Variants in PROSER2 observed in about 807,000 individuals in gnomAD.
The protein encoded by PROSER2 is proline and serine rich 2.
A neutral mutation model predicts 14.6 loss-of-function variants in PROSER2; 18 were observed. The observed-to-expected ratio is 1.23, with a 90% CI of 0.85 to 1.83. PROSER2 has a LOEUF of 1.83. Ranked by LOEUF, PROSER2 falls within the 40% of genes most tolerant of loss-of-function variation. The pLI is 0.00. For synonymous variants in PROSER2, 367 were observed against 286.4 expected (o/e 1.28, Z -2.84); for missense variants, 823 against 629.8 (o/e 1.31, Z -3.28).
At chr10:11,868,258 A>C (rs1458585925) in intron 3 of PROSER2, among the ~76,000 whole-genome samples, 2 of 152,166 alleles carry the variant, frequency 1.3e-5, no homozygotes, top group Non-Finnish European at 2.9e-5. Context: ...TCTGTTCTCT[A>C]ACATATTTTC....
In PROSER2 at chr10:11,856,203, A is replaced by G. The variant is rs1350398469; in HGVS notation, c.138+3988A>G. ...CCCGAGAAGGGCTTGAGATGTCCAT[A>G]TGTGACAGCTCTCCTCTCCATGGCT... On this transcript the variant is annotated intron_variant, in intron 2 of 3. Coordinates refer to ENST00000277570, the MANE Select transcript of PROSER2 (RefSeq NM_153256.4). This position sits in a 1 kb window ranked among gnomAD's most constrained non-coding sequence, Gnocchi z 5.3. Among the ~76,000 whole-genome samples the G allele has an allele frequency of 6.6e-6, 1 of 152,136 alleles. No individual in the cohort carries two copies. Among genetic ancestry groups the G allele is most frequent in the East Asian group, 1.9e-4 (1 of 5,194 alleles).
chr10:11,850,903 G>A (rs1834006672), intron 1 of PROSER2: 1 of 152,246 alleles, frequency 6.6e-6, no homozygotes, highest in Non-Finnish European at 1.5e-5. Flanking sequence ...GCCGTTCAGG[G>A]GCTGGGCTGG....
In PROSER2 at chr10:11,869,162, T is replaced by C. The variant is rs1275500205; in HGVS notation, c.392-328T>C. Among the ~76,000 whole-genome samples the C allele has an allele frequency of 6.6e-6, 1 of 152,196 alleles. No individual in the cohort carries two copies. The highest frequency in any genetic ancestry group is 2.4e-5 in the African/African-American group (1 of 41,438). On this transcript the variant is annotated intron_variant, in intron 3 of 3. Coordinates refer to ENST00000277570, the MANE Select transcript of PROSER2 (RefSeq NM_153256.4). The surrounding 1 kb of genome is among the most constrained non-coding windows in gnomAD (Gnocchi z 4.4). ...TCAATTTCCCCTTTGTAAACTCCCCTGATGAGTTGGTCACTACTTGCGTCC... is the reference window on the plus strand; with the variant it reads ...TCAATTTCCCCTTTGTAAACTCCCCCGATGAGTTGGTCACTACTTGCGTCC...
intron 1 of PROSER2, chr10:11,831,565 C>T (rs1463684764): frequency 3.9e-5 from 6 of 152,274 alleles, no homozygotes; most frequent in South Asian, 4.1e-4. Flanking sequence ...TCCAAAACCT[C>T]GGAGATTGAT....
At position 11,869,854 on chromosome 10, in the gene PROSER2, C is replaced by A; in HGVS notation, c.756C>A (p.Arg252=). Residue 252 remains arginine, a synonymous_variant, in exon 4 of 4, where the codon CGC becomes CGA. Transcript: ENST00000277570. This position sits in a 1 kb window ranked among gnomAD's most constrained non-coding sequence, Gnocchi z 4.4. ...ACCCGGCGCAGCCCAAGGCACCCCG[C>A]TTCCCCAGCAACATCATCGTCACCA... is the stretch of plus-strand genomic sequence containing the variant. ...PSHPAQPKAP[R]FPSNIIVTNG... is the part of the protein sequence containing the mutation. 6.3e-7 allele frequency: 1 copy of A among 1,591,470 alleles called. No individual in the cohort carries two copies. Among genetic ancestry groups the A allele is most frequent in the South Asian group, 1.1e-5 (1 of 87,764 alleles).
chr10:11,847,159 ATAT>A (rs1564306408), intron 1 of PROSER2, among the ~76,000 whole-genome samples: 9,810 of 145,882 alleles, frequency 0.067, 414 homozygotes, highest in East Asian at 0.1. Context: ...AAATAAATAT[ATAT>A]ATATATATAT....
Position 11,870,317 on chromosome 10 carries a change from A to G in PROSER2, c.1219A>G (p.Ile407Val). ...AGACTCCCTGCCCCGGCCCCAGGGCATCACCGTGCAGTTCGCGGGCCGCGG... is the reference window on the plus strand; with the variant it reads ...AGACTCCCTGCCCCGGCCCCAGGGCGTCACCGTGCAGTTCGCGGGCCGCGG... ...RADSLPRPQG[I>V]TVQFAGRGSS... The change falls in exon 4 of 4, where the codon ATC (isoleucine) becomes GTC (valine). Residue 407 changes from isoleucine (I) to valine (V), a missense_variant. Ile to Val is a conservative substitution (Grantham distance 29). Coordinates refer to ENST00000277570, the MANE Select transcript of PROSER2 (RefSeq NM_153256.4). The G allele has an allele frequency of 3.3e-6, 5 of 1,497,936 alleles. No homozygotes were observed. The highest frequency in any genetic ancestry group is 4.4e-6 in the Non-Finnish European group (5 of 1,128,592). The allele number at this position is 1,497,936 out of a possible 1,614,324, so 92.8% of individuals were successfully genotyped here.
chr10:11,852,158 C>T lies in PROSER2; in HGVS notation c.81C>T (p.Ser27=). 1 of 1,613,482 alleles carries T rather than the reference C, an allele frequency of 6.2e-7. No homozygotes were observed. The highest frequency in any genetic ancestry group is 1.3e-5 in the African/African-American group (1 of 75,046). The part of the protein sequence containing the change: ...TSPSCRLRAF[S]RGGSLESRSS... ...CCAGCTGCAGGCTCCGAGCCTTCAG[C>T]AGAGGCGGCAGCCTGGAGAGTCGAA... The change falls in exon 2 of 4, where the codon AGC becomes AGT. Residue 27 remains serine, a synonymous_variant. Transcript: ENST00000277570.
chr10:11,833,502 C>T (rs1410300247), intron 1 of PROSER2, among the ~76,000 whole-genome samples: 4 of 151,794 alleles, frequency 2.6e-5, no homozygotes, highest in Non-Finnish European at 5.9e-5. Context: ...ACCAGCCTGG[C>T]CAACGTGGTG....
rs1046082798 is a variant in PROSER2, at chr10:11,830,372, A to G, written c.-82+6902A>G. On this transcript the variant is annotated intron_variant, in intron 1 of 3. Coordinates refer to ENST00000277570, the MANE Select transcript of PROSER2 (RefSeq NM_153256.4). The surrounding 1 kb of genome is among the most constrained non-coding windows in gnomAD (Gnocchi z 4.5). ...AAAAGACATGATTGCATTCATTTTT[A>G]TGGCTGAGTAGTCGTCCGTGGTGTT... Among the ~76,000 whole-genome samples, 1 of 152,150 alleles carries G rather than the reference A, an allele frequency of 6.6e-6. No individual in the cohort carries two copies. Among genetic ancestry groups the G allele is most frequent in the South Asian group, 2.1e-4 (1 of 4,820 alleles).
intron 1 of PROSER2, among the ~76,000 whole-genome samples, chr10:11,835,349 A>G (rs1055570393): frequency 1.3e-5 from 2 of 152,106 alleles, no homozygotes; most frequent in African/African-American, 4.8e-5. Flanking sequence ...GTGAACGTAG[A>G]GAAGGAACCA....
chr10:11,847,564 C>G (rs1467851970), intron 1 of PROSER2, among the ~76,000 whole-genome samples: 1 of 152,166 alleles, frequency 6.6e-6, no homozygotes, highest in Admixed American at 6.6e-5. Flanking sequence ...ATTACAGGTG[C>G]CTGCCACCAC....
rs369244388 is a variant in PROSER2, at chr10:11,843,685, C to CAAAA, written c.-81-8298_-81-8295dup. ...TGGACGACAGAGCGAGACTCTGTCT[C>CAAAA]AAAAAAAAAAAAAAAAATTAGCCCA... On this transcript the variant is annotated intron_variant, in intron 1 of 3. Transcript: ENST00000277570. Among the ~76,000 whole-genome samples the CAAAA allele has an allele frequency of 2.5e-3, 288 of 113,230 alleles. 2 individuals are homozygous for CAAAA. Among genetic ancestry groups the CAAAA allele is most frequent in the African/African-American group, 9.0e-3 (279 of 31,108 alleles). The allele number at this position is 113,230 out of a possible 152,430, so 74.3% of individuals were successfully genotyped here.
intron 1 of PROSER2, among the ~76,000 whole-genome samples, chr10:11,833,898 G>C (rs533002520): frequency 3.8e-4 from 58 of 151,390 alleles, no homozygotes; most frequent in African/African-American, 1.3e-3. Flanking sequence ...GACCATGTTC[G>C]GTAGAGTTTT....
In PROSER2 at chr10:11,870,274, C is replaced by A. The variant is rs1367348412; in HGVS notation, c.1176C>A (p.Ala392=). 7 of 1,491,472 alleles carry A rather than the reference C, an allele frequency of 4.7e-6. No homozygotes were observed. The South Asian group carries it at 6.3e-5, about 13-fold the overall frequency. The allele number at this position is 1,491,472 out of a possible 1,614,324, so 92.4% of individuals were successfully genotyped here. ...SFPGPRQPNG[A]QDWRRADSLP... is the part of the protein sequence containing the mutation. ...CCGGGCCCCGGCAGCCCAACGGCGCCCAGGACTGGCGCCGCGCAGACTCCC... is the reference window on the plus strand; with the variant it reads ...CCGGGCCCCGGCAGCCCAACGGCGCACAGGACTGGCGCCGCGCAGACTCCC... The change falls in exon 4 of 4, where the codon GCC becomes GCA. Residue 392 remains alanine, a synonymous_variant. Coordinates refer to ENST00000277570, the MANE Select transcript of PROSER2 (RefSeq NM_153256.4).
At position 11,869,736 on chromosome 10, in the gene PROSER2, C is replaced by A; in HGVS notation, c.638C>A (p.Pro213His). ...ERMAGNEALS[P>H]TSPFREGRPG... ...ATGGCGGGGAACGAAGCCCTCTCGC[C>A]CACCTCCCCGTTCAGGGAGGGCCGG... is the stretch of plus-strand genomic sequence containing the variant. The change falls in exon 4 of 4, where the codon CCC (proline) becomes CAC (histidine). Residue 213 changes from proline to histidine, a missense_variant. Coordinates refer to ENST00000277570, the MANE Select transcript of PROSER2 (RefSeq NM_153256.4). This position sits in a 1 kb window ranked among gnomAD's most constrained non-coding sequence, Gnocchi z 4.4. 6.3e-7 allele frequency: 1 copy of A among 1,588,154 alleles called. No individual in the cohort carries two copies.
Position 11,856,712 on chromosome 10 carries a change from C to G in PROSER2, c.138+4497C>G, listed in dbSNP as rs1263442123. ...CAGCGGTCTGTGACCAGGCAGCCGGCAGCTCCTGAGCCACCCTGTTGCTCC... is the reference window on the plus strand; with the variant it reads ...CAGCGGTCTGTGACCAGGCAGCCGGGAGCTCCTGAGCCACCCTGTTGCTCC... On this transcript the variant is annotated intron_variant, in intron 2 of 3. Transcript: ENST00000277570. The surrounding 1 kb of genome is among the most constrained non-coding windows in gnomAD (Gnocchi z 5.3). Among the ~76,000 whole-genome samples, 1 of 152,238 alleles carries G rather than the reference C, an allele frequency of 6.6e-6. No individual in the cohort carries two copies. Among genetic ancestry groups the G allele is most frequent in the Non-Finnish European group, 1.5e-5 (1 of 68,046 alleles).
In PROSER2 at chr10:11,824,964, A is replaced by C. The variant is rs560841804; in HGVS notation, c.-82+1494A>C. On this transcript the variant is annotated intron_variant, in intron 1 of 3. Transcript: ENST00000277570. ...ATTCAGGAATATTTGTAGACTGACC[A>C]CCTACAGCGCGCAGAGCCGTGACTG... Among the ~76,000 whole-genome samples, 13 of 152,258 alleles carry C rather than the reference A, an allele frequency of 8.5e-5. No homozygotes were observed. In the East Asian group the frequency reaches 1.4e-3, roughly 16 times the overall value.
chr10:11,864,454 TTTA>T (rs1413282608), intron 2 of PROSER2, among the ~76,000 whole-genome samples: 2 of 152,200 alleles, frequency 1.3e-5, no homozygotes, highest in African/African-American at 2.4e-5. Flanking sequence ...ACACGCACAC[TTTA>T]TTTTTTCTGA....
Sources: gnomAD v4.1 joint callset for allele counts (sites outside exome capture counted in the v4.1 genomes callset) on GRCh38, gnomAD v4.1.1 for gene constraint, Gnocchi (gnomAD v3.1) non-coding constraint, MANE v1.5 for transcripts, NCBI Gene and HGNC (gene_info 2026-07-23, HGNC 2026-07-21) for gene names.